Variants in TWF1 observed in about 807,000 individuals in gnomAD.
TWF1 encodes the protein twinfilin actin binding protein 1.
Under a neutral mutation model 47.9 loss-of-function variants are expected in TWF1, and 14 were observed. The ratio of observed to expected loss-of-function variants is 0.29; its 90% CI spans 0.19 to 0.46. TWF1 has a LOEUF of 0.46. Ranked by LOEUF, TWF1 falls within the 20% of genes least tolerant of loss-of-function variation. The probability of loss-of-function intolerance (pLI) is 1.00; values close to 1 mark genes in which losing one functional copy is unlikely to be tolerated. For missense variants in TWF1, 281 were observed against 409.3 expected, an observed-to-expected ratio of 0.69 and a Z score of 2.70; for synonymous variants, 96 against 139.2, an observed-to-expected ratio of 0.69 and a Z score of 2.18.
Position 43,800,477 on chromosome 12 carries a change from A to T in TWF1, c.336T>A (p.Phe112Leu). The change falls in exon 4 of 9, where the codon TTT becomes TTA. Residue 112 changes from phenylalanine to leucine, a missense_variant. Phe to Leu is a conservative substitution (Grantham distance 22, BLOSUM62 0). Coordinates refer to ENST00000395510, the MANE Select transcript of TWF1 (RefSeq NM_002822.5). ...AATRATLKKE[F>L]GGGHIKDEVF... is the part of the protein sequence containing the mutation. The stretch of plus-strand genomic sequence containing the variant: ...CTTCATCTTTAATGTGGCCACCTCC[A>T]AATTCCTTCTTCAGAGTTGCTCTTG... 5 of 1,613,822 alleles carry T rather than the reference A, an allele frequency of 3.1e-6. No individual in the cohort carries two copies. The highest frequency in any genetic ancestry group is 4.2e-6 in the Non-Finnish European group (5 of 1,179,954).
chr12:43,799,363 T>C, intron 5 of TWF1, 35 bp downstream of exon 5: 1 of 1,386,942 alleles, frequency 7.2e-7, no homozygotes, highest in Non-Finnish European at 1.0e-6. Context: ...TTCAAACACT[T>C]AAAATCTTGC....
chr12:43,805,229 G>A (rs1942736129), intron 1 of TWF1, among the ~76,000 whole-genome samples: 1 of 152,150 alleles, frequency 6.6e-6, no homozygotes, highest in Admixed American at 6.5e-5. Flanking sequence ...ATGTAAGTAG[G>A]TAGTGCTTGC....
intron 1 of TWF1, chr12:43,805,862 C>A (rs759463313): frequency 4.2e-6 from 6 of 1,423,578 alleles, no homozygotes; most frequent in Non-Finnish European, 5.6e-6. Context: ...AAGCCCCAGT[C>A]GCCTCCACTG....
chr12:43,796,941 A>G (rs1464262933), intron 8 of TWF1, 35 bp downstream of exon 8: 3 of 1,596,496 alleles, frequency 1.9e-6, no homozygotes, highest in South Asian at 1.1e-5. Context: ...AGAAAAATTT[A>G]GCAAAAACTG....
rs1317843270 is a variant in TWF1, at chr12:43,806,260, G to A, written c.-15C>T. 6.6e-7 allele frequency: 1 copy of A among 1,521,450 alleles called. No individual in the cohort carries two copies. Among genetic ancestry groups the A allele is most frequent in the South Asian group, 1.2e-5 (1 of 82,046 alleles). 94.2% of individuals were successfully genotyped at this position (1,521,450 alleles called of 1,614,324 possible). A position where few individuals can be genotyped will look rare whatever the true frequency, so the allele number is the denominator to read the frequency against. ...TGGTGGGACATGGCGGCGGCCGCTA[G>A]CTCCCGGCTCCGGCGCTGAGTGCAG... On this transcript the variant is annotated 5_prime_UTR_variant, in exon 1 of 9. Transcript: ENST00000395510.
At chr12:43,805,941 C>T (rs1446603856) in intron 1 of TWF1, 1 of 1,532,236 alleles carries the variant, frequency 6.5e-7, no homozygotes, top group Non-Finnish European at 8.8e-7. Context: ...GGAAGGCACG[C>T]CCCCTTCAAC....
In TWF1 at chr12:43,798,478, T is replaced by C. The variant is rs189826499; in HGVS notation, c.484-645A>G. On this transcript the variant is annotated intron_variant, in intron 5 of 8. Transcript: ENST00000395510. ...GTTGCAACAGAAAGTCCAATAGAAATTTTACTTTTAAAAAAATGAATGGAG... is the reference window on the plus strand; with the variant it reads ...GTTGCAACAGAAAGTCCAATAGAAACTTTACTTTTAAAAAAATGAATGGAG... 1.9e-5 allele frequency: 25 copies of C among 1,339,664 alleles called. No homozygotes were observed. The South Asian group carries it at 3.2e-4, about 17-fold the overall frequency. 83.0% of individuals were successfully genotyped at this position (1,339,664 alleles called of 1,614,324 possible). A position where few individuals can be genotyped will look rare whatever the true frequency, so the allele number is the denominator to read the frequency against.
At chr12:43,806,025 A>G in intron 1 of TWF1, 196 bp downstream of exon 1, 1 of 1,521,484 alleles carries the variant, frequency 6.6e-7, no homozygotes, top group Non-Finnish European at 8.8e-7. Context: ...GGCAGCAGGG[A>G]CCGGGCTGGA....
intron 1 of TWF1, chr12:43,805,575 G>A (rs1156654026): frequency 4.3e-6 from 2 of 463,014 alleles, no homozygotes; most frequent in African/African-American, 4.0e-5. Context: ...AGATATAACT[G>A]CATATTGAAC....
intron 1 of TWF1, chr12:43,805,477 G>A: frequency 2.2e-6 from 1 of 450,654 alleles, no homozygotes; most frequent in Non-Finnish European, 4.5e-6. Flanking sequence ...TTAAGTGATC[G>A]CGAGTAACCC....
intron 2 of TWF1, among the ~76,000 whole-genome samples, chr12:43,803,653 A>G (rs1289286369): frequency 6.6e-6 from 1 of 152,106 alleles, no homozygotes; most frequent in African/African-American, 2.4e-5. Flanking sequence ...GGCATTAAAA[A>G]TTTTAGCTCA....
At chr12:43,805,565 A>G (rs1041713740) in intron 1 of TWF1, 6 of 460,596 alleles carry the variant, frequency 1.3e-5, no homozygotes, top group Admixed American at 7.0e-5. Flanking sequence ...AATGGAGGTC[A>G]GATATAACTG....
rs1490838242 is a variant in TWF1 at position 43,794,266 on chromosome 12, C to T, written c.*1319G>A. 1 of 152,604 alleles carries T rather than the reference C, an allele frequency of 6.6e-6. No homozygotes were observed. The highest frequency in any genetic ancestry group is 1.5e-5 in the Non-Finnish European group (1 of 68,016). 9.5% of individuals were successfully genotyped at this position (152,604 alleles called of 1,614,324 possible). ...TATAGTCTGATTATTTGTAAACAAA[C>T]AAAACCCCAAATACTCTAAATTCTA... is the stretch of plus-strand genomic sequence containing the variant. On this transcript the variant is annotated 3_prime_UTR_variant, in exon 9 of 9. Coordinates refer to ENST00000395510, the MANE Select transcript of TWF1 (RefSeq NM_002822.5).
chr12:43,797,646 C>T (rs1942578213), intron 6 of TWF1, 62 bp downstream of exon 6: 2 of 1,547,390 alleles, frequency 1.3e-6, no homozygotes, highest in African/African-American at 2.8e-5. Flanking sequence ...AATAATAAAC[C>T]CTATATGAGT....
chr12:43,798,982 G>A (rs1942609356), intron 5 of TWF1, among the ~76,000 whole-genome samples: 2 of 152,020 alleles, frequency 1.3e-5, no homozygotes, highest in South Asian at 2.1e-4. Context: ...CTCTATTCAA[G>A]TAGAGTTCAT....
chr12:43,802,736 G>A (rs1472948718), intron 2 of TWF1, among the ~76,000 whole-genome samples: 1 of 152,022 alleles, frequency 6.6e-6, no homozygotes, highest in Non-Finnish European at 1.5e-5. Context: ...TGAACTGAAT[G>A]GTCAAATAAT....
intron 8 of TWF1, among the ~76,000 whole-genome samples, chr12:43,796,572 T>C (rs1352828284): frequency 1.3e-5 from 2 of 152,108 alleles, no homozygotes; most frequent in African/African-American, 4.8e-5. Context: ...TCCTTATTAA[T>C]ATGCAGTAGA....
In TWF1 at chr12:43,795,592, G is replaced by T. The variant is rs1395800386; in HGVS notation, c.1046C>A (p.Thr349Asn). 7 of 1,611,848 alleles carry T rather than the reference G, an allele frequency of 4.3e-6. No individual in the cohort carries two copies. The highest frequency in any genetic ancestry group is 5.9e-6 in the Non-Finnish European group (7 of 1,179,770). The change falls in exon 9 of 9, where the codon ACT (threonine) becomes AAT (asparagine). Residue 349 changes from threonine (T) to asparagine (N), a missense_variant. Transcript: ENST00000395510. ...ATGTTTAATGTGATGACTTTAATCA[G>T]TAGTAGCTTCAGTTTCCGCTGGGCC... ...IRGPAETEAT[T>N]D
At chr12:43,799,159 A>C (rs1236589688) in intron 5 of TWF1, among the ~76,000 whole-genome samples, 1 of 152,134 alleles carries the variant, frequency 6.6e-6, no homozygotes, top group Non-Finnish European at 1.5e-5. Flanking sequence ...AAGATTTACT[A>C]TTCTGACATG....
Sources: gnomAD v4.1 joint callset for allele counts (sites outside exome capture counted in the v4.1 genomes callset) on GRCh38, gnomAD v4.1.1 for gene constraint, MANE v1.5 for transcripts, NCBI Gene and HGNC (gene_info 2026-07-23, HGNC 2026-07-21) for gene names.